Variants in IGSF5 observed in about 807,000 individuals in gnomAD.
The protein encoded by IGSF5 is immunoglobulin superfamily 5 like.
IGSF5 carries 41 observed loss-of-function variants against 39.4 expected under a neutral mutation model. That is an observed-to-expected ratio of 1.04 (90% CI 0.81 to 1.35). IGSF5 has a LOEUF of 1.35. Ranked by LOEUF, IGSF5 falls within the 40% of genes most tolerant of loss-of-function variation. The probability of loss-of-function intolerance (pLI) is 0.00; values close to 1 mark genes in which losing one functional copy is unlikely to be tolerated. For missense variants in IGSF5, 487 were observed against 494.6 expected (o/e 0.98, Z 0.15); for synonymous variants, 183 against 175.3 (o/e 1.04, Z -0.34).
At chr21:39,795,869 A>C (rs2146296006) in intron 8 of IGSF5, among the ~76,000 whole-genome samples, 1 of 152,228 alleles carries the variant, frequency 6.6e-6, no homozygotes, top group South Asian at 2.1e-4. Flanking sequence ...TTAAGAAACA[A>C]ATCAGGACTC....
the IGSF5 span, chr21:39,729,541 T>C: frequency 7.2e-5 from 11 of 152,374 alleles, no homozygotes; most frequent in East Asian, 5.8e-4. Flanking sequence ...GAGGAGCACA[T>C]TGTAGTCTCT....
intron 8 of IGSF5, among the ~76,000 whole-genome samples, chr21:39,795,749 C>T (rs913559064): frequency 8.6e-5 from 13 of 151,824 alleles, no homozygotes; most frequent in East Asian, 1.9e-4. Flanking sequence ...CAGTGACCCT[C>T]GAGGTGCTGA....
intron 4 of IGSF5, among the ~76,000 whole-genome samples, chr21:39,776,261 A>G (rs1458480950): frequency 6.6e-6 from 1 of 152,014 alleles, no homozygotes; most frequent in African/African-American, 2.4e-5. Flanking sequence ...AAAATAAGAA[A>G]GGTCTATCTT....
intron 7 of IGSF5, among the ~76,000 whole-genome samples, chr21:39,792,846 G>A (rs2086973355): frequency 1.3e-5 from 2 of 152,166 alleles, no homozygotes; most frequent in South Asian, 4.1e-4. Flanking sequence ...GAGAGGGGAA[G>A]GCTGAACCCA....
chr21:39,745,584 C>G, intron 1 of IGSF5, 58 bp downstream of exon 1: 1 of 713,846 alleles, frequency 1.4e-6, no homozygotes, highest in South Asian at 1.5e-5. Context: ...GCCATGATCT[C>G]AATCAGCTAC....
chr21:39,771,341 G>A, intron 4 of IGSF5, 126 bp downstream of exon 4: 1 of 781,750 alleles, frequency 1.3e-6, no homozygotes, highest in Non-Finnish European at 1.9e-6. Context: ...GGGTGGGGAT[G>A]ATAAGGCCAA....
In IGSF5 at chr21:39,801,377, C is replaced by T. The variant is rs533669280; in HGVS notation, c.*20C>T. 3.0e-5 allele frequency: 46 copies of T among 1,551,810 alleles called. No individual in the cohort carries two copies. The South Asian group carries it at 4.0e-4, about 14-fold the overall frequency. ...GTATAGCAAAGCCTTCCCCAAGCTC[C>T]ACTGAGCACTTGGCTGACAATTCAA... On this transcript the variant is annotated 3_prime_UTR_variant, in exon 9 of 9. Coordinates refer to ENST00000380588, the MANE Select transcript of IGSF5 (RefSeq NM_001080444.2).
intron 5 of IGSF5, among the ~76,000 whole-genome samples, chr21:39,787,117 T>G (rs75609371): frequency 6.6e-6 from 1 of 151,770 alleles, no homozygotes; most frequent in Non-Finnish European, 1.5e-5. Flanking sequence ...AAAAAAAAAA[T>G]GCAATGGCAA....
chr21:39,788,380 G>C (rs916252997), intron 6 of IGSF5, among the ~76,000 whole-genome samples, 192 bp downstream of exon 6: 10 of 152,206 alleles, frequency 6.6e-5, no homozygotes. Flanking sequence ...TGAACTGTGG[G>C]ATGAAACAGA....
At chr21:39,794,610 T>C (rs1249964407) in intron 8 of IGSF5, among the ~76,000 whole-genome samples, 3 of 152,238 alleles carry the variant, frequency 2.0e-5, no homozygotes, top group Non-Finnish European at 4.4e-5. Context: ...TTTTCTGACC[T>C]GTACAAATGC....
intron 8 of IGSF5, among the ~76,000 whole-genome samples, chr21:39,801,008 G>A (rs1247126952): frequency 6.6e-6 from 1 of 152,248 alleles, no homozygotes; most frequent in Non-Finnish European, 1.5e-5. Context: ...AAAACAATGA[G>A]TCGTGGTAAT....
upstream of IGSF5, among the ~76,000 whole-genome samples, chr21:39,741,262 T>G (rs2079947752): frequency 6.6e-6 from 1 of 152,194 alleles, no homozygotes; most frequent in Non-Finnish European, 1.5e-5. Context: ...GTTTCCTTAA[T>G]TAGCGTATAT....
chr21:39,773,478 C>CCT (rs1555943413), intron 4 of IGSF5, among the ~76,000 whole-genome samples: 3 of 143,856 alleles, frequency 2.1e-5, no homozygotes, highest in African/African-American at 8.4e-5. Context: ...TCTTCCTTTT[C>CCT]TTTTTTTTTC....
intron 4 of IGSF5, among the ~76,000 whole-genome samples, chr21:39,773,478 C>CTTTTTTTTACCT (rs1555943412): frequency 7.0e-6 from 1 of 143,856 alleles, no homozygotes; most frequent in Non-Finnish European, 1.5e-5. Context: ...TCTTCCTTTT[C>CTTTTTTTTACCT]TTTTTTTTTC....
intron 4 of IGSF5, among the ~76,000 whole-genome samples, chr21:39,776,520 G>A (rs1350588906): frequency 6.6e-6 from 1 of 152,150 alleles, no homozygotes; most frequent in Admixed American, 6.5e-5. Context: ...TGAACTTTGT[G>A]GTTAAATTAA....
At chr21:39,740,626 A>G (rs1368716104), upstream of IGSF5, among the ~76,000 whole-genome samples, 1 of 152,162 alleles carries the variant, frequency 6.6e-6, no homozygotes, top group African/African-American at 2.4e-5. Flanking sequence ...CTTTTTCTAC[A>G]AAGGATCTTC....
At chr21:39,731,297 T>C in the IGSF5 span, among the ~76,000 whole-genome samples, 5 of 152,118 alleles carry the variant, frequency 3.3e-5, no homozygotes, top group African/African-American at 1.2e-4. Context: ...TGTTTTTAGG[T>C]CTATTAAGAG....
chr21:39,797,828 C>G (rs2087006044), intron 8 of IGSF5, among the ~76,000 whole-genome samples: 1 of 152,184 alleles, frequency 6.6e-6, no homozygotes, highest in South Asian at 2.1e-4. Context: ...ACCCCTACTT[C>G]CTTTGCTGTT....
the IGSF5 span, among the ~76,000 whole-genome samples, chr21:39,715,621 T>A: frequency 2.0e-5 from 3 of 152,220 alleles, no homozygotes; most frequent in African/African-American, 7.2e-5. Flanking sequence ...TGACAGGTAG[T>A]GTCCTAGATT....
Sources: gnomAD v4.1 joint callset for allele counts (sites outside exome capture counted in the v4.1 genomes callset) on GRCh38, gnomAD v4.1.1 for gene constraint, MANE v1.5 for transcripts, NCBI Gene and HGNC (gene_info 2026-07-23, HGNC 2026-07-21) for gene names.